TMEM131: variants seen among roughly 807,000 people sequenced by gnomAD.
TMEM131 encodes the protein 2610524E03Rik.
In TMEM131, 66 loss-of-function variants were observed where a neutral mutation model predicts 211.6. The ratio of observed to expected loss-of-function variants is 0.31; its 90% CI spans 0.26 to 0.38. The LOEUF (loss-of-function observed/expected upper bound fraction) is 0.38. TMEM131 is among the 10% of genes least tolerant of loss of function. The pLI is 1.00. For missense variants in TMEM131, 2,036 were observed against 2,299.3 expected (o/e 0.89, Z 2.34); for synonymous variants, 844 against 841.3 (o/e 1.00, Z -0.06).
intron 33 of TMEM131, among the ~76,000 whole-genome samples, chr2:97,769,387 G>A (rs987654226): frequency 6.6e-6 from 1 of 151,864 alleles, no homozygotes; most frequent in Non-Finnish European, 1.5e-5. Flanking sequence ...TTTTCACAAC[G>A]TTACACCTGA....
intron 4 of TMEM131, 36 bp from the exon 5 acceptor site, chr2:97,859,463 A>G: frequency 1.3e-6 from 2 of 1,496,744 alleles, no homozygotes; most frequent in Non-Finnish European, 1.8e-6. Context: ...CAAATATTTC[A>G]CAGATAATTC....
At chr2:97,976,047 ACCT>A (rs779903965) in intron 1 of TMEM131, among the ~76,000 whole-genome samples, 9 of 152,070 alleles carry the variant, frequency 5.9e-5, no homozygotes, top group Non-Finnish European at 1.2e-4. Flanking sequence ...ACATAAAAGA[ACCT>A]CCTCAACCTG....
chr2:97,879,442 A>G (rs1039272173), intron 4 of TMEM131, among the ~76,000 whole-genome samples: 2 of 152,320 alleles, frequency 1.3e-5, no homozygotes, highest in East Asian at 1.9e-4. Context: ...TTACAACCAA[A>G]TAACTACAGC....
intron 4 of TMEM131, among the ~76,000 whole-genome samples, chr2:97,873,612 C>T (rs1159824777): frequency 2.0e-5 from 3 of 152,164 alleles, no homozygotes; most frequent in Admixed American, 6.5e-5. Flanking sequence ...CAAACAGCGT[C>T]GGGAGTGGAC....
intron 29 of TMEM131, 138 bp downstream of exon 29, chr2:97,794,792 G>A: frequency 1.6e-6 from 1 of 630,754 alleles, no homozygotes; most frequent in South Asian, 2.9e-5. Context: ...CCACCAGTCT[G>A]TGAGATTGAT....
intron 11 of TMEM131, among the ~76,000 whole-genome samples, chr2:97,832,004 CAAAAAAAA>C (rs770432398): frequency 2.7e-4 from 16 of 60,266 alleles, no homozygotes; most frequent in African/African-American, 9.3e-4. Flanking sequence ...AAGTCACTTC[CAAAAAAAA>C]AAAAAAAAAA....
chr2:97,846,764 T>C (rs1157226558), intron 5 of TMEM131, among the ~76,000 whole-genome samples: 1 of 152,188 alleles, frequency 6.6e-6, no homozygotes, highest in Admixed American at 6.5e-5. Context: ...GAAGCAAAGA[T>C]TGGACACTCC....
intron 4 of TMEM131, among the ~76,000 whole-genome samples, chr2:97,884,429 T>C (rs1430769330): frequency 6.6e-6 from 1 of 152,188 alleles, no homozygotes; most frequent in Non-Finnish European, 1.5e-5. Flanking sequence ...AAATGTCTGT[T>C]AGGTCCATTT....
chr2:97,812,593 A>T (rs1681601361), intron 16 of TMEM131, 38 bp from the exon 17 acceptor site: 2 of 1,591,284 alleles, frequency 1.3e-6, no homozygotes, highest in African/African-American at 1.4e-5. Flanking sequence ...TCACAACACA[A>T]GCATAAAATC....
intron 31 of TMEM131, among the ~76,000 whole-genome samples, chr2:97,790,326 A>G (rs1680443502): frequency 6.6e-6 from 1 of 152,214 alleles, no homozygotes; most frequent in Non-Finnish European, 1.5e-5. Context: ...GAAAAAAAAT[A>G]TAGATACAGG....
chr2:97,963,877 T>G (rs1159637602), intron 1 of TMEM131, among the ~76,000 whole-genome samples: 2 of 152,250 alleles, frequency 1.3e-5, no homozygotes, highest in African/African-American at 4.8e-5. Context: ...TGCAAATGCA[T>G]AGTGGTAAAT....
At chr2:97,766,009 G>A in intron 35 of TMEM131, 105 bp downstream of exon 35, 1 of 1,436,578 alleles carries the variant, frequency 7.0e-7, no homozygotes, top group South Asian at 1.4e-5. Flanking sequence ...GCAAAGCACT[G>A]TCAATGGGTA....
chr2:97,968,207 C>T lies in TMEM131; in HGVS notation c.187+27269G>A, dbSNP rs375850599. 2.0e-4 allele frequency among the ~76,000 whole-genome samples: 30 copies of T among 152,106 alleles called. 1 individual carries two copies. In the South Asian group the frequency reaches 5.0e-3, roughly 25 times the overall value. On this transcript the variant is annotated intron_variant, in intron 1 of 40. Coordinates refer to ENST00000186436, the MANE Select transcript of TMEM131 (RefSeq NM_015348.2). ...ATGGCACCTACTGAATAAAAATTAA[C>T]GAATTAATTTGCTGGTGTTCTGTCT...
intron 11 of TMEM131, among the ~76,000 whole-genome samples, chr2:97,825,474 G>A (rs1038084751): frequency 6.6e-6 from 1 of 152,126 alleles, no homozygotes; most frequent in Non-Finnish European, 1.5e-5. Flanking sequence ...GGCATCACCA[G>A]CTTTTGTTGA....
intron 1 of TMEM131, among the ~76,000 whole-genome samples, chr2:97,947,561 C>T (rs1678101838): frequency 6.6e-6 from 1 of 151,888 alleles, no homozygotes; most frequent in Admixed American, 6.6e-5. Context: ...TTAAAGAACA[C>T]CTAAATAAAA....
chr2:97,947,094 C>T (rs560340239), intron 1 of TMEM131, among the ~76,000 whole-genome samples: 1 of 152,140 alleles, frequency 6.6e-6, no homozygotes, highest in South Asian at 2.1e-4. Flanking sequence ...AAAAGATATA[C>T]AGCTATCATC....
chr2:97,826,470 C>A (rs1682388681), intron 11 of TMEM131, among the ~76,000 whole-genome samples: 1 of 152,056 alleles, frequency 6.6e-6, no homozygotes, highest in Admixed American at 6.5e-5. Flanking sequence ...TCTCACACCG[C>A]CGAAGCCATC....
chr2:97,817,508 G>C (rs990013926), intron 12 of TMEM131, among the ~76,000 whole-genome samples: 1 of 152,172 alleles, frequency 6.6e-6, no homozygotes, highest in South Asian at 2.1e-4. Context: ...GCATGAATGT[G>C]GTCTCTCAGC....
Position 97,757,095 on chromosome 2 carries a change from T to C in TMEM131, c.*4A>G. ...CCACTATGTTTGTTTGTTTTTTGCT[T>C]AATTTAATTCTCGTGAGGAAAGTGC... is the stretch of plus-strand genomic sequence containing the variant. On this transcript the variant is annotated 3_prime_UTR_variant, in exon 41 of 41. Coordinates refer to ENST00000186436, the MANE Select transcript of TMEM131 (RefSeq NM_015348.2). 6.3e-7 allele frequency: 1 copy of C among 1,577,382 alleles called. No individual in the cohort carries two copies. The highest frequency in any genetic ancestry group is 8.6e-7 in the Non-Finnish European group (1 of 1,158,234).
Sources: gnomAD v4.1 joint callset for allele counts (sites outside exome capture counted in the v4.1 genomes callset) on GRCh38, gnomAD v4.1.1 for gene constraint, MANE v1.5 for transcripts, NCBI Gene and HGNC (gene_info 2026-07-23, HGNC 2026-07-21) for gene names.